Variants in SPOP observed in about 807,000 individuals in gnomAD.
SPOP encodes the protein speckle-type POZ protein.
In SPOP, 11 loss-of-function variants were observed where a neutral mutation model predicts 45.6. That is an observed-to-expected ratio of 0.24 (90% CI 0.15 to 0.40). The LOEUF is 0.40. Among genes scored for constraint, SPOP ranks in the 10% least tolerant of loss-of-function variants. The pLI is 1.00. For missense variants in SPOP, 152 were observed against 465.6 expected, an observed-to-expected ratio of 0.33 and a Z score of 6.20; for synonymous variants, 166 against 166.3, an observed-to-expected ratio of 1.00 and a Z score of 0.01.
Position 49,599,760 on chromosome 17 carries a change from A to G in SPOP, c.*618T>C. 4.9e-6 allele frequency: 1 copy of G among 203,170 alleles called. No homozygotes were observed. Among genetic ancestry groups the G allele is most frequent in the Non-Finnish European group, 1.0e-5 (1 of 98,768 alleles). The allele number at this position is 203,170 out of a possible 1,614,324, so 12.6% of individuals were successfully genotyped here. Reference sequence around the variant, plus strand: ...CTTTTGCCTTCACTTGTCATTTTTCATAAAAGGATAAAAGGATGTATTCTG... The same window carrying G: ...CTTTTGCCTTCACTTGTCATTTTTCGTAAAAGGATAAAAGGATGTATTCTG... On this transcript the variant is annotated 3_prime_UTR_variant, in exon 10 of 10. Coordinates refer to ENST00000504102, the MANE Select transcript of SPOP (RefSeq NM_001007228.2).
At chr17:49,615,807 A>T (rs1440867591) in intron 5 of SPOP, among the ~76,000 whole-genome samples, 3 of 151,970 alleles carry the variant, frequency 2.0e-5, no homozygotes, top group African/African-American at 7.3e-5. Context: ...AGAGATAGAA[A>T]ATAGGGAGCT....
Position 49,619,166 on chromosome 17 carries a change from A to G in SPOP, c.353-58T>C, listed in dbSNP as rs1597923021. ...GTTACGCAAAAACCAGATCAAAGCCACAACTTGTCAGTGTATGAAACTTCT... is the reference window on the plus strand; with the variant it reads ...GTTACGCAAAAACCAGATCAAAGCCGCAACTTGTCAGTGTATGAAACTTCT... On this transcript the variant is annotated intron_variant, in intron 4 of 9. Coordinates refer to ENST00000504102, the MANE Select transcript of SPOP (RefSeq NM_001007228.2). This position sits in a 1 kb window ranked among gnomAD's most constrained non-coding sequence, Gnocchi z 4.9. 8.7e-6 allele frequency: 14 copies of G among 1,613,532 alleles called. No individual in the cohort carries two copies. Among genetic ancestry groups the G allele is most frequent in the Non-Finnish European group, 1.2e-5 (14 of 1,179,796 alleles).
intron 1 of SPOP, among the ~76,000 whole-genome samples, chr17:49,624,950 A>C (rs115683166): frequency 6.6e-6 from 1 of 152,180 alleles, no homozygotes; most frequent in Non-Finnish European, 1.5e-5. Context: ...ACAGTGGAAA[A>C]TACATGTACC....
Position 49,618,430 on chromosome 17 carries a change from A to G in SPOP, c.480+551T>C, listed in dbSNP as rs188799930. 12 of 402,412 alleles carry G rather than the reference A, an allele frequency of 3.0e-5. No individual in the cohort carries two copies. The East Asian group carries it at 8.5e-4, about 29-fold the overall frequency. The allele number at this position is 402,412 out of a possible 1,614,324, so 24.9% of individuals were successfully genotyped here. On this transcript the variant is annotated intron_variant, in intron 5 of 9. Transcript: ENST00000504102. ...TGAGAGGACTTTCCTAACTGACTAC[A>G]GATAACTCTGTGAGCTAACTGTGAG...
rs533015076 is a variant in SPOP, at chr17:49,619,981, A to C, written c.201-596T>G. On this transcript the variant is annotated intron_variant, in intron 3 of 9. Coordinates refer to ENST00000504102, the MANE Select transcript of SPOP (RefSeq NM_001007228.2). The surrounding 1 kb of genome is among the most constrained non-coding windows in gnomAD (Gnocchi z 4.9). ...CGAGGCCAGCCTGGCCAACGTGGTGAAACCCCGTCTCTACTAAAAATAAAA... is the reference window on the plus strand; with the variant it reads ...CGAGGCCAGCCTGGCCAACGTGGTGCAACCCCGTCTCTACTAAAAATAAAA... Among the ~76,000 whole-genome samples the C allele has an allele frequency of 1.3e-4, 20 of 151,786 alleles. No homozygotes were observed. The South Asian group carries it at 4.0e-3, about 30-fold the overall frequency.
chr17:49,654,488 T>C (rs2072881617), intron 1 of SPOP, among the ~76,000 whole-genome samples: 1 of 152,256 alleles, frequency 6.6e-6, no homozygotes. Context: ...CTTTGGAAAT[T>C]ATGTTAGTTT....
intron 1 of SPOP, among the ~76,000 whole-genome samples, chr17:49,656,273 G>A (rs1054735974): frequency 6.6e-6 from 1 of 152,110 alleles, no homozygotes; most frequent in African/African-American, 2.4e-5. Flanking sequence ...TAAGTATTGG[G>A]AAGATCATTA....
At chr17:49,620,791 T>C (rs73331449) in intron 3 of SPOP, 4,296 of 153,966 alleles carry the variant, frequency 0.028, 205 homozygotes, top group African/African-American at 0.097. Flanking sequence ...ACAGGTCATA[T>C]GTATCCTTAA....
intron 1 of SPOP, chr17:49,676,146 G>A (rs2073196228): frequency 6.6e-6 from 1 of 152,136 alleles, no homozygotes; most frequent in Admixed American, 6.5e-5. Context: ...ATGGACATAG[G>A]AAACAGTAAA....
At chr17:49,609,881 G>C (rs915017248) in intron 6 of SPOP, among the ~76,000 whole-genome samples, 3 of 151,796 alleles carry the variant, frequency 2.0e-5, no homozygotes, top group Non-Finnish European at 2.9e-5. Flanking sequence ...ATAACCGGTA[G>C]AGTAAGGTTT....
chr17:49,677,609 A>G (rs761633069), intron 1 of SPOP, among the ~76,000 whole-genome samples: 2 of 147,492 alleles, frequency 1.4e-5, no homozygotes, highest in Non-Finnish European at 3.0e-5. Flanking sequence ...GCGCGTTCAC[A>G]CTCGCGCATG....
At chr17:49,610,229 T>A (rs1048978581) in intron 6 of SPOP, among the ~76,000 whole-genome samples, 1 of 152,068 alleles carries the variant, frequency 6.6e-6, no homozygotes, top group African/African-American at 2.4e-5. Flanking sequence ...TTTGTTTTTT[T>A]TTCCCCCGAG....
At chr17:49,612,156 T>C (rs2143201582) in intron 5 of SPOP, among the ~76,000 whole-genome samples, 1 of 152,300 alleles carries the variant, frequency 6.6e-6, no homozygotes, top group Admixed American at 6.5e-5. Flanking sequence ...AGTGCTAAGA[T>C]TATAGGCATG....
chr17:49,675,517 T>A (rs1169836149), intron 1 of SPOP, among the ~76,000 whole-genome samples: 2 of 152,162 alleles, frequency 1.3e-5, no homozygotes, highest in African/African-American at 4.8e-5. Flanking sequence ...AAGAGGATGG[T>A]AAGAAAAGAA....
At chr17:49,649,494 C>T (rs935026937) in intron 1 of SPOP, among the ~76,000 whole-genome samples, 2 of 150,146 alleles carry the variant, frequency 1.3e-5, no homozygotes, top group Non-Finnish European at 3.0e-5. Flanking sequence ...TAAGATTGTG[C>T]CATTCCACTC....
chr17:49,607,267 G>A lies in SPOP; in HGVS notation c.820C>T (p.Leu274=), dbSNP rs1232195212. Residue 274 remains leucine, a synonymous_variant, in exon 8 of 10, where the codon CTG becomes TTG. Transcript: ENST00000504102. The part of the protein sequence containing the change: ...PNLDKMADDL[L]AAADKYALER... Reference sequence around the variant, plus strand: ...TATCTTACCTTGTCAGCAGCTGCCAGCAAATCATCAGCCATTTTGTCGAGG... The same window carrying A: ...TATCTTACCTTGTCAGCAGCTGCCAACAAATCATCAGCCATTTTGTCGAGG... The A allele has an allele frequency of 1.2e-6, 2 of 1,613,926 alleles. No homozygotes were observed. The highest frequency in any genetic ancestry group is 1.7e-5 in the Admixed American group (1 of 59,998).
chr17:49,603,714 C>T (rs1477733549), intron 8 of SPOP, among the ~76,000 whole-genome samples: 2 of 152,174 alleles, frequency 1.3e-5, no homozygotes, highest in Admixed American at 6.5e-5. Context: ...AAGGTAAAAA[C>T]GTTTTCAAAT....
rs2072173033 is a variant in SPOP at position 49,619,486 on chromosome 17, G to A, written c.201-101C>T. On this transcript the variant is annotated intron_variant, in intron 3 of 9. Coordinates refer to ENST00000504102, the MANE Select transcript of SPOP (RefSeq NM_001007228.2). The surrounding 1 kb of genome is among the most constrained non-coding windows in gnomAD (Gnocchi z 4.9). Reference sequence around the variant, plus strand: ...GGAGATGTTTAAAAAACAAATGCAGGCCCCATAGAAGAATATAATTCAGTA... The same window carrying A: ...GGAGATGTTTAAAAAACAAATGCAGACCCCATAGAAGAATATAATTCAGTA... 7.8e-7 allele frequency: 1 copy of A among 1,284,136 alleles called. No homozygotes were observed. The highest frequency in any genetic ancestry group is 1.5e-5 in the South Asian group (1 of 66,424). The allele number at this position is 1,284,136 out of a possible 1,614,324, so 79.5% of individuals were successfully genotyped here.
At chr17:49,671,568 A>G (rs2073136133) in intron 1 of SPOP, among the ~76,000 whole-genome samples, 1 of 152,146 alleles carries the variant, frequency 6.6e-6, no homozygotes, top group Non-Finnish European at 1.5e-5. Flanking sequence ...TTGGTAAAAC[A>G]GAATAAACTA....
Sources: gnomAD v4.1 joint callset for allele counts (sites outside exome capture counted in the v4.1 genomes callset) on GRCh38, gnomAD v4.1.1 for gene constraint, Gnocchi (gnomAD v3.1) non-coding constraint, MANE v1.5 for transcripts, NCBI Gene and HGNC (gene_info 2026-07-23, HGNC 2026-07-21) for gene names.